AGBL1: variants seen among roughly 807,000 people sequenced by gnomAD.
AGBL1 encodes AGBL carboxypeptidase 1.
In AGBL1, 130 loss-of-function variants were observed where a neutral mutation model predicts 118.9. The ratio of observed to expected loss-of-function variants is 1.09; its 90% CI spans 0.95 to 1.26. The LOEUF (loss-of-function observed/expected upper bound fraction) is 1.26. AGBL1 is among the 50% of genes most tolerant of loss of function. The pLI, the probability that AGBL1 is intolerant of heterozygous loss-of-function variation, is 0.00. For missense variants in AGBL1, 1,584 were observed against 1,298.1 expected (o/e 1.22, Z -3.38); for synonymous variants, 555 against 478.9 (o/e 1.16, Z -2.08).
At chr15:86,228,312 C>T (rs775137964) in intron 6 of AGBL1, among the ~76,000 whole-genome samples, 8 of 152,170 alleles carry the variant, frequency 5.3e-5, no homozygotes, top group Admixed American at 2.6e-4. Flanking sequence ...TATCTGGGAA[C>T]GTTTATGTAA....
intron 18 of AGBL1, among the ~76,000 whole-genome samples, chr15:86,423,603 G>C (rs144545754): frequency 6.6e-6 from 1 of 152,156 alleles, no homozygotes; most frequent in Non-Finnish European, 1.5e-5. Context: ...AATTGTCTCT[G>C]TTTGCAGATG....
rs947378929 is a variant in AGBL1, at chr15:86,168,681, A to T, written c.488+9655A>T. On this transcript the variant is annotated intron_variant, in intron 5 of 22. Coordinates refer to ENST00000614907, the MANE Select transcript of AGBL1 (RefSeq NM_001386094.1). ...GTTGTGGGAAACAGCTTATGATAAA[A>T]TATTGACTAGAAAAAGTAAGTCTCA... Among the ~76,000 whole-genome samples the T allele has an allele frequency of 6.6e-5, 10 of 152,338 alleles. No homozygotes were observed. In the East Asian group the frequency reaches 1.9e-3, roughly 29 times the overall value.
chr15:86,332,308 A>G (rs1198812004), intron 17 of AGBL1, among the ~76,000 whole-genome samples: 1 of 152,144 alleles, frequency 6.6e-6, no homozygotes, highest in Non-Finnish European at 1.5e-5. Flanking sequence ...TAGTGAGGGA[A>G]CTTTGACACC....
intron 22 of AGBL1, among the ~76,000 whole-genome samples, chr15:86,716,766 T>G (rs745975844): frequency 6.6e-6 from 1 of 152,168 alleles, no homozygotes; most frequent in Non-Finnish European, 1.5e-5. Context: ...CCAAATTTAT[T>G]TTACTCAACA....
intron 23 of AGBL1, among the ~76,000 whole-genome samples, chr15:86,969,842 A>C (rs2081089737): frequency 6.6e-6 from 1 of 151,976 alleles, no homozygotes. Context: ...TAACCAAATC[A>C]GGAGCTGGTC....
At chr15:86,297,821 C>G (rs750532478) in intron 17 of AGBL1, among the ~76,000 whole-genome samples, 1 of 152,012 alleles carries the variant, frequency 6.6e-6, no homozygotes, top group Non-Finnish European at 1.5e-5. Flanking sequence ...TATTCTGATT[C>G]CAGACTCCAC....
intron 1 of AGBL1, among the ~76,000 whole-genome samples, chr15:86,130,731 T>C (rs992209392): frequency 1.3e-5 from 2 of 152,224 alleles, no homozygotes; most frequent in African/African-American, 4.8e-5. Flanking sequence ...TTTTTATTGA[T>C]CTCCTATTGA....
downstream of AGBL1, among the ~76,000 whole-genome samples, chr15:87,030,116 C>A (rs2081770050): frequency 1.3e-5 from 2 of 152,056 alleles, no homozygotes; most frequent in Non-Finnish European, 2.9e-5. Flanking sequence ...ACTGCTTATA[C>A]TGAACAGCTC....
chr15:86,605,031 G>A (rs763307963), intron 21 of AGBL1, among the ~76,000 whole-genome samples: 11 of 152,038 alleles, frequency 7.2e-5, no homozygotes, highest in Non-Finnish European at 1.6e-4. Context: ...CCAACCTCAG[G>A]TGATCTGCCT....
chr15:86,790,348 A>C (rs963544745), intron 22 of AGBL1, among the ~76,000 whole-genome samples: 3 of 149,616 alleles, frequency 2.0e-5, no homozygotes, highest in Admixed American at 2.0e-4. Context: ...CTTCAAACAC[A>C]CACACACACA....
At chr15:86,982,455 G>A (rs1418565231) in intron 23 of AGBL1, among the ~76,000 whole-genome samples, 2 of 151,398 alleles carry the variant, frequency 1.3e-5, no homozygotes, top group African/African-American at 4.9e-5. Flanking sequence ...TTTATATACA[G>A]TTGACTTGTG....
intron 1 of AGBL1, among the ~76,000 whole-genome samples, chr15:86,113,845 G>C (rs1431768437): frequency 6.6e-6 from 1 of 152,154 alleles, no homozygotes; most frequent in Non-Finnish European, 1.5e-5. Context: ...AAACTTGCTA[G>C]GTAGTCTAAG....
At chr15:86,283,990 C>G (rs2079398979) in intron 16 of AGBL1, among the ~76,000 whole-genome samples, 1 of 151,580 alleles carries the variant, frequency 6.6e-6, no homozygotes. Context: ...AAATTGGAAA[C>G]AAAAAAGCAG....
chr15:86,231,663 T>C (rs1003889736), intron 6 of AGBL1, among the ~76,000 whole-genome samples: 1 of 152,194 alleles, frequency 6.6e-6, no homozygotes, highest in Non-Finnish European at 1.5e-5. Flanking sequence ...GGAGATTTTA[T>C]AATCCCCATT....
intron 22 of AGBL1, among the ~76,000 whole-genome samples, chr15:86,900,625 AT>A (rs2080198466): frequency 1.3e-5 from 2 of 151,672 alleles, no homozygotes; most frequent in African/African-American, 4.9e-5. Flanking sequence ...ATAATCGAGT[AT>A]CTTATATCGA....
intron 9 of AGBL1, among the ~76,000 whole-genome samples, chr15:86,259,754 T>C (rs929871773): frequency 6.6e-6 from 1 of 152,234 alleles, no homozygotes; most frequent in African/African-American, 2.4e-5. Flanking sequence ...TGAATAATAC[T>C]GTGCTGCTGC....
At chr15:86,648,957 G>T (rs867529127) in intron 21 of AGBL1, among the ~76,000 whole-genome samples, 3 of 152,308 alleles carry the variant, frequency 2.0e-5, no homozygotes, top group Non-Finnish European at 4.4e-5. Context: ...ATGCAAAGGG[G>T]AATGGAGAAA....
At position 86,532,004 on chromosome 15, in the gene AGBL1, A is replaced by G. The variant is rs550811348; in HGVS notation, c.2685+9065A>G. On this transcript the variant is annotated intron_variant, in intron 19 of 22. Coordinates refer to ENST00000614907, the MANE Select transcript of AGBL1 (RefSeq NM_001386094.1). ...CTATGACAAACCCACAGCCAATATC[A>G]TACTGAATGGGAAAAACTGGAAGCA... 6.3e-3 allele frequency among the ~76,000 whole-genome samples: 952 copies of G among 151,958 alleles called. 14 individuals are homozygous for G. The highest frequency in any genetic ancestry group is 0.021 in the African/African-American group (873 of 41,412).
chr15:86,736,808 C>T (rs868070495), intron 22 of AGBL1, among the ~76,000 whole-genome samples: 12 of 152,178 alleles, frequency 7.9e-5, no homozygotes, highest in Non-Finnish European at 1.6e-4. Flanking sequence ...ATGAGGGTAC[C>T]CTTTGAACAT....
Sources: allele counts gnomAD v4.1 joint callset (sites outside exome capture counted in the v4.1 genomes callset), GRCh38; gene constraint gnomAD v4.1.1; transcripts MANE v1.5; gene names NCBI Gene and HGNC (gene_info 2026-07-23, HGNC 2026-07-21).